NRCAM: variants seen among roughly 807,000 people sequenced by gnomAD.
NRCAM encodes neuronal cell adhesion molecule.
NRCAM carries 83 observed loss-of-function variants against 156.5 expected under a neutral mutation model. The ratio of observed to expected loss-of-function variants is 0.53; its 90% CI spans 0.44 to 0.64. NRCAM has a LOEUF of 0.64. NRCAM is among the 30% of genes least tolerant of loss of function. NRCAM has a pLI of 0.00. For synonymous variants in NRCAM, 538 were observed against 563.9 expected (o/e 0.95, Z 0.65); for missense variants, 1,417 against 1,597.3 (o/e 0.89, Z 1.92).
intron 29 of NRCAM, among the ~76,000 whole-genome samples, chr7:108,167,679 T>C (rs1383672754): frequency 6.6e-6 from 1 of 152,192 alleles, no homozygotes; most frequent in Non-Finnish European, 1.5e-5. Context: ...GTAAGCACAC[T>C]GCACTTAGGA....
At chr7:108,413,067 T>C (rs574183422) in intron 1 of NRCAM, among the ~76,000 whole-genome samples, 4 of 152,324 alleles carry the variant, frequency 2.6e-5, no homozygotes, top group Admixed American at 2.6e-4. Context: ...TGTTGGATCA[T>C]ATGGTAGTTC....
rs142911474 is a variant in NRCAM at position 108,262,457 on chromosome 7, C to T, written c.-106-22287G>A. 7.2e-3 allele frequency among the ~76,000 whole-genome samples: 1,093 copies of T among 152,186 alleles called. 7 individuals carry two copies. The highest frequency in any genetic ancestry group is 0.011 in the Non-Finnish European group (757 of 68,006). ...TTGTCTCCTTTATACAAGGAGGACA[C>T]AGATTTAGAGAGGCCAGATAACTCA... On this transcript the variant is annotated intron_variant, in intron 3 of 32. Transcript: ENST00000379028.
Position 108,194,221 on chromosome 7 carries a change from TCAAAGTCATTTAAAAATTAAACA to T in NRCAM, c.1630+18_1630+40del. On this transcript the variant is annotated intron_variant, in intron 16 of 32. Coordinates refer to ENST00000379028, the MANE Select transcript of NRCAM (RefSeq NM_001037132.4). ...CATTTGGCAAAGCTGGAGAATTTGT[TCAAAGTCATTTAAAAATTAAACA>T]CATTACCTCTGCCTTACCTTTGATT... 6.2e-7 allele frequency: 1 copy of T among 1,611,032 alleles called. No homozygotes were observed. The highest frequency in any genetic ancestry group is 8.5e-7 in the Non-Finnish European group (1 of 1,177,482).
intron 3 of NRCAM, among the ~76,000 whole-genome samples, chr7:108,292,918 A>C (rs528726348): frequency 6.6e-6 from 1 of 152,338 alleles, no homozygotes; most frequent in African/African-American, 2.4e-5. Context: ...CTAGCATTTT[A>C]CTGTAAAATA....
At chr7:108,393,284 C>A (rs2099766926) in intron 2 of NRCAM, among the ~76,000 whole-genome samples, 1 of 152,128 alleles carries the variant, frequency 6.6e-6, no homozygotes, top group Admixed American at 6.5e-5. Flanking sequence ...CCTCCCCCAG[C>A]CTCGCTGCCA....
At chr7:108,400,209 A>T (rs565042620) in intron 1 of NRCAM, among the ~76,000 whole-genome samples, 2 of 152,358 alleles carry the variant, frequency 1.3e-5, no homozygotes, top group South Asian at 4.1e-4. Flanking sequence ...ACCTTAATTA[A>T]ACAGAAGCCA....
At chr7:108,443,776 C>T (rs1027128031) in intron 1 of NRCAM, among the ~76,000 whole-genome samples, 2 of 152,098 alleles carry the variant, frequency 1.3e-5, no homozygotes, top group African/African-American at 2.4e-5. Context: ...AAAATTAATA[C>T]CCTCTTCACC....
chr7:108,299,139 A>G (rs537133282), intron 3 of NRCAM, among the ~76,000 whole-genome samples: 13 of 108,752 alleles, frequency 1.2e-4, no homozygotes, highest in South Asian at 3.1e-4. Flanking sequence ...AGAAAGAAAG[A>G]AAAGAAAAGT....
intron 32 of NRCAM, among the ~76,000 whole-genome samples, chr7:108,155,117 C>A (rs1459693169): frequency 7.6e-6 from 1 of 132,030 alleles, no homozygotes; most frequent in Non-Finnish European, 1.7e-5. Context: ...CACACACACA[C>A]ACACACACAC....
chr7:108,419,256 T>C (rs547530696), intron 1 of NRCAM, among the ~76,000 whole-genome samples: 2 of 152,304 alleles, frequency 1.3e-5, no homozygotes, highest in South Asian at 4.1e-4. Context: ...GACGTTTTAT[T>C]TTCAGATAAT....
Position 108,332,245 on chromosome 7 carries a change from G to A in NRCAM, c.-173-19514C>T, listed in dbSNP as rs564950143. On this transcript the variant is annotated intron_variant, in intron 2 of 32. Coordinates refer to ENST00000379028, the MANE Select transcript of NRCAM (RefSeq NM_001037132.4). The stretch of plus-strand genomic sequence containing the variant: ...TCCTATTGCTTTTTCATAATTTACT[G>A]ATAGGCAAAATGCCAAAATTCTAGA... Among the ~76,000 whole-genome samples the A allele has an allele frequency of 3.3e-5, 5 of 152,280 alleles. No homozygotes were observed. In the South Asian group the frequency reaches 6.2e-4, roughly 19 times the overall value.
intron 2 of NRCAM, among the ~76,000 whole-genome samples, chr7:108,347,328 G>A (rs557472616): frequency 2.6e-5 from 4 of 152,048 alleles, no homozygotes; most frequent in East Asian, 1.9e-4. Flanking sequence ...GAGCCACCGC[G>A]CCCGGCTTAT....
At chr7:108,262,646 T>G (rs764976913) in intron 3 of NRCAM, among the ~76,000 whole-genome samples, 2 of 152,218 alleles carry the variant, frequency 1.3e-5, no homozygotes, top group African/African-American at 2.4e-5. Flanking sequence ...GGACACACTT[T>G]ACATAAGGCA....
intron 25 of NRCAM, among the ~76,000 whole-genome samples, chr7:108,179,264 G>A (rs1173791647): frequency 6.6e-6 from 1 of 152,170 alleles, no homozygotes; most frequent in South Asian, 2.1e-4. Context: ...ACATCGAGGA[G>A]GAAGAGCCCT....
At chr7:108,218,960 A>C (rs2090995235) in intron 11 of NRCAM, among the ~76,000 whole-genome samples, 1 of 152,230 alleles carries the variant, frequency 6.6e-6, no homozygotes, top group South Asian at 2.1e-4. Context: ...ATAGACCATT[A>C]GCAAGATTAA....
intron 1 of NRCAM, among the ~76,000 whole-genome samples, chr7:108,432,907 G>GAGAGAA (rs759370923): frequency 4.7e-5 from 7 of 150,108 alleles, no homozygotes; most frequent in African/African-American, 1.2e-4. Context: ...AAGAGAGAGA[G>GAGAGAA]AGAGAAAGAG....
intron 2 of NRCAM, among the ~76,000 whole-genome samples, chr7:108,350,906 T>C (rs2099407612): frequency 6.6e-6 from 1 of 152,226 alleles, no homozygotes. Flanking sequence ...TCCCCAATAG[T>C]ATATATGTTA....
chr7:108,299,135 A>AAAGAAAGAAAGG (rs2098533524), intron 3 of NRCAM, among the ~76,000 whole-genome samples: 1 of 109,118 alleles, frequency 9.2e-6, no homozygotes, highest in South Asian at 2.9e-4. Flanking sequence ...AGAAAGAAAG[A>AAAGAAAGAAAGG]AAGAAAAGAA....
intron 3 of NRCAM, among the ~76,000 whole-genome samples, chr7:108,276,828 C>T (rs2097648872): frequency 2.0e-5 from 3 of 152,250 alleles, no homozygotes; most frequent in South Asian, 4.1e-4. Context: ...TTCTTCATAG[C>T]GTTGATGGTC....
Sources: gnomAD v4.1 joint callset for allele counts (sites outside exome capture counted in the v4.1 genomes callset) on GRCh38, gnomAD v4.1.1 for gene constraint, MANE v1.5 for transcripts, NCBI Gene and HGNC (gene_info 2026-07-23, HGNC 2026-07-21) for gene names.